Variants in ABCC9 observed in about 807,000 individuals in gnomAD.
ABCC9 encodes the protein ATP-binding cassette sub-family C member 9.
Under a neutral mutation model 188.3 loss-of-function variants are expected in ABCC9, and 95 were observed. That is an observed-to-expected ratio of 0.50 (90% CI 0.43 to 0.60). The LOEUF (loss-of-function observed/expected upper bound fraction) is 0.60, where lower values mean the gene tolerates loss of function less well. Ranked by LOEUF, ABCC9 falls within the 20% of genes least tolerant of loss-of-function variation. The pLI is 0.00. For synonymous variants in ABCC9, 659 were observed against 652.7 expected, an observed-to-expected ratio of 1.01 and a Z score of -0.15; for missense variants, 1,102 against 1,876.3, an observed-to-expected ratio of 0.59 and a Z score of 7.62.
chr12:21,867,822 G>GA (rs11373840), intron 18 of ABCC9, among the ~76,000 whole-genome samples: 122,497 of 137,910 alleles, frequency 0.89, 54,133 homozygotes, highest in South Asian at 0.97. Context: ...AGAGGGAAAA[G>GA]AAAAAAAAAA....
At chr12:21,936,076 A>G (rs1013710997) in intron 3 of ABCC9, among the ~76,000 whole-genome samples, 2 of 152,068 alleles carry the variant, frequency 1.3e-5, no homozygotes, top group Non-Finnish European at 2.9e-5. Flanking sequence ...CCACCTCCAA[A>G]GAGTGAGTTG....
intron 31 of ABCC9, among the ~76,000 whole-genome samples, chr12:21,823,864 C>T (rs1234222311): frequency 6.6e-6 from 1 of 152,234 alleles, no homozygotes; most frequent in Non-Finnish European, 1.5e-5. Flanking sequence ...CGCTCTGCTG[C>T]CAAAGCAAGT....
intron 31 of ABCC9, among the ~76,000 whole-genome samples, chr12:21,826,474 T>C (rs957402667): frequency 1.3e-5 from 2 of 152,182 alleles, no homozygotes; most frequent in Non-Finnish European, 1.5e-5. Flanking sequence ...ATGTGCACAA[T>C]TGAGAGAAAA....
chr12:21,912,773 G>T, intron 8 of ABCC9, 99 bp downstream of exon 8: 1 of 1,009,856 alleles, frequency 9.9e-7, no homozygotes, highest in Non-Finnish European at 1.4e-6. Context: ...CTGAAAAAAA[G>T]CCTATTTGAA....
chr12:21,872,145 G>A (rs141192965), intron 18 of ABCC9, among the ~76,000 whole-genome samples: 1 of 152,150 alleles, frequency 6.6e-6, no homozygotes, highest in South Asian at 2.1e-4. Flanking sequence ...CCAACTAGAC[G>A]CTTCTAGTAT....
rs111434867 is a variant in ABCC9, at chr12:21,879,853, GA to G, written c.2019+2912del. On this transcript the variant is annotated intron_variant, in intron 16 of 39. Transcript: ENST00000261200. Reference sequence around the variant, plus strand: ...CAAGGGTCCAAGTATAGCTAAGAAGGAAAAAAAATCCAGTTATAAAGACTTG... The same window carrying G: ...CAAGGGTCCAAGTATAGCTAAGAAGGAAAAAAATCCAGTTATAAAGACTTG... 4.2e-3 allele frequency among the ~76,000 whole-genome samples: 636 copies of G among 151,044 alleles called. 7 individuals are homozygous for G. The highest frequency in any genetic ancestry group is 0.013 in the African/African-American group (543 of 41,130).
At chr12:21,920,714 C>T (rs1366494545) in intron 5 of ABCC9, among the ~76,000 whole-genome samples, 1 of 151,982 alleles carries the variant, frequency 6.6e-6, no homozygotes, top group South Asian at 2.1e-4. Context: ...TCTCCCAGCA[C>T]CCCACGACCC....
chr12:21,891,103 T>C (rs745565873), intron 14 of ABCC9, among the ~76,000 whole-genome samples: 3 of 152,090 alleles, frequency 2.0e-5, no homozygotes, highest in Non-Finnish European at 4.4e-5. Context: ...CACCATACAG[T>C]AATTAGTTTC....
intron 31 of ABCC9, among the ~76,000 whole-genome samples, chr12:21,818,480 A>G (rs28602217): frequency 1.5e-5 from 2 of 130,420 alleles, no homozygotes; most frequent in Non-Finnish European, 3.2e-5. Flanking sequence ...CTATATCTAT[A>G]TCTATCTATA....
chr12:21,936,947 T>C (rs967969836), intron 2 of ABCC9, among the ~76,000 whole-genome samples: 3 of 152,128 alleles, frequency 2.0e-5, no homozygotes, highest in Non-Finnish European at 4.4e-5. Context: ...ATAATTAATA[T>C]CTACCTATAG....
intron 12 of ABCC9, among the ~76,000 whole-genome samples, chr12:21,901,756 A>T (rs929631387): frequency 6.6e-6 from 1 of 152,222 alleles, no homozygotes; most frequent in African/African-American, 2.4e-5. Flanking sequence ...AGAGCTAACT[A>T]TCCTAAATAT....
chr12:21,811,000 A>G (rs1433851559), intron 36 of ABCC9, among the ~76,000 whole-genome samples: 2 of 152,104 alleles, frequency 1.3e-5, no homozygotes, highest in African/African-American at 4.8e-5. Flanking sequence ...GATGATGCTG[A>G]TATCATTTTG....
intron 32 of ABCC9, among the ~76,000 whole-genome samples, 159 bp downstream of exon 32, chr12:21,817,991 C>T (rs1267176432): frequency 6.6e-6 from 1 of 151,892 alleles, no homozygotes; most frequent in Admixed American, 6.6e-5. Flanking sequence ...ATTGACCCAC[C>T]CTCTAAGTTC....
chr12:21,821,020 A>G (rs764962676), intron 31 of ABCC9, among the ~76,000 whole-genome samples: 1 of 152,210 alleles, frequency 6.6e-6, no homozygotes, highest in Non-Finnish European at 1.5e-5. Flanking sequence ...TTGATTGTAA[A>G]GCTTCAGTAC....
chr12:21,818,231 A>T lies in ABCC9; in HGVS notation c.3690T>A (p.Ile1230=), dbSNP rs756318114. The T allele has an allele frequency of 6.2e-7, 1 of 1,613,970 alleles. No homozygotes were observed. Among genetic ancestry groups the T allele is most frequent in the Admixed American group, 1.7e-5 (1 of 59,990 alleles). Residue 1230 remains isoleucine (I), a synonymous_variant, in exon 32 of 40, where the codon ATT becomes ATA. Transcript: ENST00000261200. ...TGGATGCTATAGATGCAGTGAGGAC[A>T]ATGCAAGCTCCCAGATAATCCTTTG... ...EVRTDYLGAC[I]VLTASIASIS... is the part of the protein sequence containing the mutation.
intron 5 of ABCC9, among the ~76,000 whole-genome samples, chr12:21,920,212 A>G (rs2137954002): frequency 6.6e-6 from 1 of 152,122 alleles, no homozygotes; most frequent in South Asian, 2.1e-4. Flanking sequence ...TCTATTTGGC[A>G]TTTTACTGGA....
chr12:21,913,621 CT>C (rs1439426050), intron 7 of ABCC9, among the ~76,000 whole-genome samples: 2 of 152,148 alleles, frequency 1.3e-5, no homozygotes, highest in African/African-American at 4.8e-5. Flanking sequence ...GTAGTCAATA[CT>C]TTAAAAAATT....
chr12:21,894,215 G>A (rs769690541), intron 13 of ABCC9, 41 bp from the exon 14 acceptor site: 89 of 1,609,214 alleles, frequency 5.5e-5, no homozygotes, highest in Non-Finnish European at 7.3e-5. Context: ...GCTGGAAAAA[G>A]TGTCACACAT....
intron 29 of ABCC9, among the ~76,000 whole-genome samples, chr12:21,842,044 G>A (rs927062393): frequency 5.3e-5 from 8 of 152,130 alleles, no homozygotes; most frequent in African/African-American, 1.9e-4. Context: ...GGTGGCATTT[G>A]CATATAACCT....
Sources: allele counts gnomAD v4.1 joint callset (sites outside exome capture counted in the v4.1 genomes callset), GRCh38; gene constraint gnomAD v4.1.1; transcripts MANE v1.5; gene names NCBI Gene and HGNC (gene_info 2026-07-23, HGNC 2026-07-21).